PRIM2: variants seen among roughly 807,000 people sequenced by gnomAD.
The protein encoded by PRIM2 is DNA primase subunit 2, also known as DNA primase large subunit.
In PRIM2, 39 loss-of-function variants were observed where a neutral mutation model predicts 67.3. The observed-to-expected ratio is 0.58, with a 90% CI of 0.45 to 0.76. The LOEUF (loss-of-function observed/expected upper bound fraction) is 0.76. Ranked by LOEUF, PRIM2 falls within the 30% of genes least tolerant of loss-of-function variation. The pLI is 0.00. For synonymous variants in PRIM2, 143 were observed against 198.7 expected (o/e 0.72, Z 2.36); for missense variants, 398 against 598.7 (o/e 0.66, Z 3.50).
At chr6:57,374,363 G>A (rs77106447) in intron 5 of PRIM2, among the ~76,000 whole-genome samples, 12 of 140,520 alleles carry the variant, frequency 8.5e-5, no homozygotes, top group East Asian at 2.2e-4. Flanking sequence ...GCGCGATCTC[G>A]ACTCACTGCA....
intron 12 of PRIM2, among the ~76,000 whole-genome samples, chr6:57,621,487 T>TC (rs1353173193): frequency 6.6e-6 from 1 of 152,146 alleles, no homozygotes; most frequent in Admixed American, 6.5e-5. Context: ...TGTATTTTTT[T>TC]CTCATTATTT....
At chr6:57,405,521 AAACT>A in intron 7 of PRIM2, among the ~76,000 whole-genome samples, 1 of 139,224 alleles carries the variant, frequency 7.2e-6, no homozygotes, top group East Asian at 2.0e-4. Flanking sequence ...TGTATTAATT[AAACT>A]AACTTTCTCA....
chr6:57,460,844 T>G (rs1337742906), intron 7 of PRIM2, among the ~76,000 whole-genome samples: 3 of 152,268 alleles, frequency 2.0e-5, no homozygotes, highest in Non-Finnish European at 4.4e-5. Context: ...TGATGACTTC[T>G]TATTCTAAAT....
the PRIM2 span, among the ~76,000 whole-genome samples, chr6:57,288,972 T>G: frequency 6.6e-6 from 1 of 152,132 alleles, no homozygotes; most frequent in Non-Finnish European, 1.5e-5. Context: ...TTGACAGAAG[T>G]AGGCTTCAGA....
intron 7 of PRIM2, among the ~76,000 whole-genome samples, chr6:57,495,171 A>G (rs1773976666): frequency 6.6e-6 from 1 of 152,210 alleles, no homozygotes; most frequent in South Asian, 2.1e-4. Flanking sequence ...CAACAAAATT[A>G]TGTAATAGTC....
chr6:57,265,798 A>G, the PRIM2 span, among the ~76,000 whole-genome samples: 5 of 152,282 alleles, frequency 3.3e-5, no homozygotes, highest in Non-Finnish European at 7.4e-5. Flanking sequence ...TGTGTGTTAA[A>G]TGCAGTTGGT....
At chr6:57,447,807 A>G (rs1772413303) in intron 7 of PRIM2, among the ~76,000 whole-genome samples, 1 of 152,228 alleles carries the variant, frequency 6.6e-6, no homozygotes, top group Non-Finnish European at 1.5e-5. Flanking sequence ...GAGAATTAGG[A>G]AAATCTTCTA....
intron 5 of PRIM2, among the ~76,000 whole-genome samples, chr6:57,334,334 C>T (rs1049487131): frequency 8.6e-5 from 13 of 152,040 alleles, no homozygotes; most frequent in African/African-American, 1.9e-4. Flanking sequence ...AGGTTGATTC[C>T]GTATCTTGGC....
chr6:57,543,739 T>A lies in PRIM2; in HGVS notation c.1020+6114T>A, dbSNP rs1276322364. Reference sequence around the variant, plus strand: ...CCTCCCATCTTTACTTACCTGTGCCTGTTGCAGGCATTTTTTTTTTTAACA... The same window carrying A: ...CCTCCCATCTTTACTTACCTGTGCCAGTTGCAGGCATTTTTTTTTTTAACA... On this transcript the variant is annotated intron_variant, in intron 10 of 13. Coordinates refer to ENST00000615550, the MANE Select transcript of PRIM2 (RefSeq NM_000947.5). 3.2e-3 allele frequency among the ~76,000 whole-genome samples: 482 copies of A among 152,338 alleles called. 1 individual carries two copies. The highest frequency in any genetic ancestry group is 5.7e-3 in the Non-Finnish European group (386 of 68,032).
At chr6:57,248,498 T>A in the PRIM2 span, among the ~76,000 whole-genome samples, 1 of 152,206 alleles carries the variant, frequency 6.6e-6, no homozygotes, top group Non-Finnish European at 1.5e-5. Flanking sequence ...TAAACCAAAG[T>A]ACACTCTAAA....
chr6:57,332,654 T>G (rs1768091113), intron 5 of PRIM2, among the ~76,000 whole-genome samples: 1 of 152,182 alleles, frequency 6.6e-6, no homozygotes, highest in Non-Finnish European at 1.5e-5. Flanking sequence ...TTGTTTTAAG[T>G]TATGTTTGTT....
intron 12 of PRIM2, among the ~76,000 whole-genome samples, chr6:57,614,244 G>A (rs1234605430): frequency 2.6e-5 from 4 of 152,166 alleles, no homozygotes; most frequent in Non-Finnish European, 5.9e-5. Context: ...AACTAATAAT[G>A]TCTGATGATC....
At chr6:57,256,935 CA>C in the PRIM2 span, among the ~76,000 whole-genome samples, 2 of 152,196 alleles carry the variant, frequency 1.3e-5, no homozygotes, top group African/African-American at 4.8e-5. Flanking sequence ...ATTTTAGCCA[CA>C]ACCCTTTAGT....
the PRIM2 span, among the ~76,000 whole-genome samples, chr6:57,278,179 TA>T: frequency 6.6e-6 from 1 of 151,500 alleles, no homozygotes; most frequent in Admixed American, 6.6e-5. Context: ...ATACAAAAAT[TA>T]GCCGGGTGTG....
Position 57,521,461 on chromosome 6 carries a change from C to T in PRIM2, c.762-10950C>T, listed in dbSNP as rs1554348922. On this transcript the variant is annotated intron_variant, in intron 8 of 13. Transcript: ENST00000615550. ...TATGGGTAATGTACAGAAACATTTA[C>T]TTCCTCTTCCTGAAATTGTTTTTCC... Among the ~76,000 whole-genome samples, 4 of 135,566 alleles carry T rather than the reference C, an allele frequency of 3.0e-5. No individual in the cohort carries two copies. The East Asian group carries it at 7.5e-4, about 25-fold the overall frequency. 88.9% of individuals were successfully genotyped at this position (135,566 alleles called of 152,430 possible). A position where few individuals can be genotyped will look rare whatever the true frequency, so the allele number is the denominator to read the frequency against.
chr6:57,388,380 T>G (rs1770220257), intron 7 of PRIM2, among the ~76,000 whole-genome samples: 1 of 152,060 alleles, frequency 6.6e-6, no homozygotes, highest in Non-Finnish European at 1.5e-5. Flanking sequence ...CTGACAGAAG[T>G]CAGTGGATTT....
At chr6:57,431,657 A>G (rs1401130950) in intron 7 of PRIM2, among the ~76,000 whole-genome samples, 2 of 152,076 alleles carry the variant, frequency 1.3e-5, no homozygotes, top group African/African-American at 4.8e-5. Context: ...TAAAAAAAAA[A>G]ATGTGATTTG....
At chr6:57,252,739 C>A in the PRIM2 span, among the ~76,000 whole-genome samples, 1 of 152,210 alleles carries the variant, frequency 6.6e-6, no homozygotes. Context: ...CTGTGCCCGG[C>A]CTTGCTCTTG....
At chr6:57,423,513 T>G (rs1409185968) in intron 7 of PRIM2, among the ~76,000 whole-genome samples, 1 of 152,244 alleles carries the variant, frequency 6.6e-6, no homozygotes, top group Non-Finnish European at 1.5e-5. Context: ...TGGAGTGACA[T>G]GAGTGCAGTG....
Sources: allele counts gnomAD v4.1 joint callset (sites outside exome capture counted in the v4.1 genomes callset), GRCh38; gene constraint gnomAD v4.1.1; transcripts MANE v1.5; gene names NCBI Gene and HGNC (gene_info 2026-07-23, HGNC 2026-07-21).